ACAA1: variants seen among roughly 807,000 people sequenced by gnomAD.
ACAA1 encodes the protein 3-ketoacyl-CoA thiolase, peroxisomal.
ACAA1 carries 44 observed loss-of-function variants against 48.8 expected under a neutral mutation model. The ratio of observed to expected loss-of-function variants is 0.90; its 90% CI spans 0.71 to 1.16. ACAA1 has a LOEUF of 1.16. Among genes scored for constraint, ACAA1 ranks in the 50% most tolerant of loss-of-function variants. The probability of loss-of-function intolerance (pLI) is 0.00; values close to 1 mark genes in which losing one functional copy is unlikely to be tolerated. For missense variants in ACAA1, 512 were observed against 562.3 expected (o/e 0.91, Z 0.90); for synonymous variants, 233 against 226.5 (o/e 1.03, Z -0.26).
chr3:38,136,875 C>T lies in ACAA1; in HGVS notation c.161G>A (p.Gly54Asp). ...ACCCTCGGGCCTCACCTTGAAGCCGCCGCGGCCCGCCCGGCAGATGGCCGT... is the reference window on the plus strand; with the variant it reads ...ACCCTCGGGCCTCACCTTGAAGCCGTCGCGGCCCGCCCGGCAGATGGCCGT... The part of the protein sequence containing the change: ...RRTAICRAGR[G>D]GFKDTTPDEL... Residue 54 changes from glycine to aspartate, a missense_variant, in exon 1 of 12, where the codon GGC (glycine) becomes GAC (aspartate). Gly to Asp is a moderately conservative substitution (Grantham distance 94, BLOSUM62 -1). Transcript: ENST00000333167. The T allele has an allele frequency of 6.6e-7, 1 of 1,525,332 alleles. No homozygotes were observed. The highest frequency in any genetic ancestry group is 8.8e-7 in the Non-Finnish European group (1 of 1,141,506). The allele number at this position is 1,525,332 out of a possible 1,614,324, so 94.5% of individuals were successfully genotyped here. A position where few individuals can be genotyped will look rare whatever the true frequency, so the allele number is the denominator to read the frequency against.
chr3:38,131,756 G>A, intron 4 of ACAA1, 118 bp from the exon 5 acceptor site: 2 of 1,324,588 alleles, frequency 1.5e-6, no homozygotes, highest in Non-Finnish European at 1.1e-6. Context: ...AGAAATGGAA[G>A]ACCCAGGAGT....
In ACAA1 at chr3:38,129,361, T is replaced by C; in HGVS notation, c.474A>G (p.Arg158=). 6.2e-7 allele frequency: 1 copy of C among 1,614,078 alleles called. No individual in the cohort carries two copies. The highest frequency in any genetic ancestry group is 2.2e-5 in the East Asian group (1 of 44,876). Residue 158 remains arginine, a synonymous_variant, in exon 6 of 12, where the codon AGA becomes AGG. Transcript: ENST00000333167. The surrounding 1 kb of genome is among the most constrained non-coding windows in gnomAD (Gnocchi z 5.3). ...CGVESMSLAD[R]GNPGNITSRL... is the part of the protein sequence containing the mutation. ...GCGAAGTAATATTTCCAGGGTTCCC[T>C]CTGTCAGCCAGGGACATGGACTCCA...
Position 38,125,790 on chromosome 3 carries a change from C to T in ACAA1, c.1053+36G>A. ...TGCCCGCTCACTCCACCTCGGCTGT[C>T]CAGGGCAAAGGCAACATTGAGAAAC... On this transcript the variant is annotated intron_variant, in intron 10 of 11. Coordinates refer to ENST00000333167, the MANE Select transcript of ACAA1 (RefSeq NM_001607.4). 3 of 1,614,208 alleles carry T rather than the reference C, an allele frequency of 1.9e-6. 1 individual carries two copies. In the South Asian group the frequency reaches 3.3e-5, roughly 18 times the overall value.
chr3:38,130,431 T>C (rs1050009600), intron 5 of ACAA1, among the ~76,000 whole-genome samples: 1 of 152,244 alleles, frequency 6.6e-6, no homozygotes, highest in African/African-American at 2.4e-5. Context: ...ACTGTATAAC[T>C]TATCCATGGT....
intron 7 of ACAA1, chr3:38,127,550 T>C: frequency 1.8e-6 from 1 of 563,470 alleles, no homozygotes; most frequent in Non-Finnish European, 3.2e-6. Flanking sequence ...AGGGGGAAAC[T>C]GAGGCCTAGC....
rs1700739939 is a variant in ACAA1, at chr3:38,129,302, A to G, written c.533T>C (p.Leu178Pro). ...LMEKEKARDCLIPMGITSENV... is the reference protein window; with the variant it reads ...LMEKEKARDCPIPMGITSENV... ...TGGGAGCACTCACCCCATAGGAATC[A>G]GGCAATCTCTGGCCTTCTCCTTCTC... is the stretch of plus-strand genomic sequence containing the variant. Residue 178 changes from leucine (L) to proline (P), a missense_variant, in exon 6 of 12, where the codon CTG becomes CCG. Coordinates refer to ENST00000333167, the MANE Select transcript of ACAA1 (RefSeq NM_001607.4). This position sits in a 1 kb window ranked among gnomAD's most constrained non-coding sequence, Gnocchi z 5.3. 1 of 1,613,860 alleles carries G rather than the reference A, an allele frequency of 6.2e-7. No homozygotes were observed. The highest frequency in any genetic ancestry group is 1.3e-5 in the African/African-American group (1 of 74,928).
chr3:38,129,257 G>A lies in ACAA1; in HGVS notation c.545+33C>T. The A allele has an allele frequency of 6.3e-7, 1 of 1,590,848 alleles. No homozygotes were observed. Among genetic ancestry groups the A allele is most frequent in the Non-Finnish European group, 8.6e-7 (1 of 1,160,060 alleles). On this transcript the variant is annotated intron_variant, in intron 6 of 11. Transcript: ENST00000333167. This position sits in a 1 kb window ranked among gnomAD's most constrained non-coding sequence, Gnocchi z 5.3. The stretch of plus-strand genomic sequence containing the variant: ...TTGGCTCCCTGCCCCAGGCAGAGAG[G>A]GCACAAGCACACAGAGCTATGGGAG...
chr3:38,131,423 G>A (rs1700785454), intron 5 of ACAA1, among the ~76,000 whole-genome samples, 173 bp downstream of exon 5: 1 of 152,170 alleles, frequency 6.6e-6, no homozygotes, highest in Non-Finnish European at 1.5e-5. Context: ...AGTGATTCCT[G>A]AGCAGCCAGA....
At chr3:38,136,778 G>A in intron 1 of ACAA1, 87 bp downstream of exon 1, 2 of 1,484,178 alleles carry the variant, frequency 1.3e-6, no homozygotes, top group African/African-American at 2.9e-5. Context: ...AGCTGCCTCC[G>A]GCGTCCAGGA....
rs746125788 is a variant in ACAA1 at position 38,129,765 on chromosome 3, G to T, written c.447-377C>A. Among the ~76,000 whole-genome samples, 1 of 152,234 alleles carries T rather than the reference G, an allele frequency of 6.6e-6. No individual in the cohort carries two copies. Among genetic ancestry groups the T allele is most frequent in the Non-Finnish European group, 1.5e-5 (1 of 68,050 alleles). On this transcript the variant is annotated intron_variant, in intron 5 of 11. Transcript: ENST00000333167. This position sits in a 1 kb window ranked among gnomAD's most constrained non-coding sequence, Gnocchi z 5.3. ...CCCTCAGGGCCCACAAATTCAGAAG[G>T]GAGAAGAGACAATTTGAAAGTAACC...
intron 7 of ACAA1, among the ~76,000 whole-genome samples, chr3:38,127,195 C>A (rs1700698710): frequency 6.6e-6 from 1 of 152,152 alleles, no homozygotes; most frequent in Non-Finnish European, 1.5e-5. Context: ...ATATGTGCAG[C>A]ATGTAAGTGC....
At chr3:38,135,548 G>A (rs539093760) in intron 2 of ACAA1, among the ~76,000 whole-genome samples, 2 of 152,216 alleles carry the variant, frequency 1.3e-5, no homozygotes, top group South Asian at 2.1e-4. Flanking sequence ...TTAAGGAAAG[G>A]TGCTGTGCCT....
intron 6 of ACAA1, 43 bp from the exon 7 acceptor site, chr3:38,127,909 C>A: frequency 6.2e-7 from 1 of 1,604,210 alleles, no homozygotes; most frequent in Non-Finnish European, 8.5e-7. Context: ...GGTCTGACAG[C>A]CTAGAGGAAG....
At chr3:38,136,550 G>T (rs771864589) in intron 2 of ACAA1, 42 bp downstream of exon 2, 3 of 1,608,678 alleles carry the variant, frequency 1.9e-6, no homozygotes, top group Non-Finnish European at 2.6e-6. Flanking sequence ...ACGAACGGAA[G>T]AACGGGGAAG....
intron 4 of ACAA1, 55 bp from the exon 5 acceptor site, chr3:38,131,693 G>GAGGCTCCACTGCTTC: frequency 6.3e-7 from 1 of 1,583,240 alleles, no homozygotes; most frequent in Non-Finnish European, 8.7e-7. Flanking sequence ...TGTTCTGGAA[G>GAGGCTCCACTGCTTC]CAGTGGAGCC....
At chr3:38,123,408 C>T in intron 11 of ACAA1, 1 of 358,036 alleles carries the variant, frequency 2.8e-6, no homozygotes, top group Admixed American at 4.5e-5. Context: ...AGGGATCGAT[C>T]ATAATCCCAA....
At chr3:38,134,385 C>T (rs917208341) in intron 2 of ACAA1, 6 of 421,590 alleles carry the variant, frequency 1.4e-5, no homozygotes, top group Middle Eastern at 6.8e-4. Context: ...ACAGTGATTG[C>T]CGACCTAGGG....
Position 38,126,332 on chromosome 3 carries a change from C to T in ACAA1, c.827G>A (p.Ser276Asn). The T allele has an allele frequency of 6.2e-7, 1 of 1,613,430 alleles. No individual in the cohort carries two copies. The highest frequency in any genetic ancestry group is 1.1e-5 in the South Asian group (1 of 91,046). ...KDGSTTAGNS[S>N]QVSDGAAAIL... is the part of the protein sequence containing the mutation. ...GGCAGCTGCCCCATCACTCACCTGGCTAGAGTTTCCTAGGGGCAAACTGTT... is the reference window on the plus strand; with the variant it reads ...GGCAGCTGCCCCATCACTCACCTGGTTAGAGTTTCCTAGGGGCAAACTGTT... The change falls in exon 9 of 12, where the codon AGC becomes AAC. Residue 276 changes from serine (S) to asparagine (N), a missense_variant. By Grantham distance (46) the Ser-to-Asn change is conservative. Coordinates refer to ENST00000333167, the MANE Select transcript of ACAA1 (RefSeq NM_001607.4). The surrounding 1 kb of genome is among the most constrained non-coding windows in gnomAD (Gnocchi z 4.7).
rs1700900000 is a variant in ACAA1 at position 38,136,588 on chromosome 3, T to C, written c.265+4A>G. 1 of 1,613,888 alleles carries C rather than the reference T, an allele frequency of 6.2e-7. No individual in the cohort carries two copies. The highest frequency in any genetic ancestry group is 8.5e-7 in the Non-Finnish European group (1 of 1,179,966). ...CCAGCGCAGGGCCTGAGTGGTTCGC[T>C]CACCGACACAGATGTCCCCCAGCTG... On this transcript the variant is annotated splice_donor_region_variant and intron_variant, in intron 2 of 11. Coordinates refer to ENST00000333167, the MANE Select transcript of ACAA1 (RefSeq NM_001607.4).
Sources: gnomAD v4.1 joint callset for allele counts (sites outside exome capture counted in the v4.1 genomes callset) on GRCh38, gnomAD v4.1.1 for gene constraint, Gnocchi (gnomAD v3.1) non-coding constraint, MANE v1.5 for transcripts, NCBI Gene and HGNC (gene_info 2026-07-23, HGNC 2026-07-21) for gene names.